ERCC6L2: variants seen among roughly 807,000 people sequenced by gnomAD.
ERCC6L2 encodes ERCC excision repair 6 like 2.
A neutral mutation model predicts 132.0 loss-of-function variants in ERCC6L2; 77 were observed. The ratio of observed to expected loss-of-function variants is 0.58; its 90% CI spans 0.49 to 0.71. The LOEUF is 0.71. Ranked by LOEUF, ERCC6L2 falls within the 30% of genes least tolerant of loss-of-function variation. The pLI, the probability that ERCC6L2 is intolerant of heterozygous loss-of-function variation, is 0.00. For missense variants in ERCC6L2, 1,542 were observed against 1,837.6 expected (o/e 0.84, Z 2.94); for synonymous variants, 583 against 632.4 (o/e 0.92, Z 1.17).
chr9:95,986,672 T>C (rs1267956521), intron 17 of ERCC6L2, among the ~76,000 whole-genome samples: 4 of 151,976 alleles, frequency 2.6e-5, no homozygotes, highest in African/African-American at 9.7e-5. Flanking sequence ...AATTTTTGTA[T>C]TTTTAGTAGA....
Position 96,018,034 on chromosome 9 carries a change from T to C in ERCC6L2, c.*4831T>C, listed in dbSNP as rs1467320084. Among the ~76,000 whole-genome samples, 1 of 152,188 alleles carries C rather than the reference T, an allele frequency of 6.6e-6. No homozygotes were observed. The highest frequency in any genetic ancestry group is 1.5e-5 in the Non-Finnish European group (1 of 68,030). ...TTCCACTTATATAAAGTACCTAGAT[T>C]AGTCAGATTCATAGAGACAAAGTAG... On this transcript the variant is annotated 3_prime_UTR_variant, in exon 19 of 19. Coordinates refer to ENST00000653738, the MANE Select transcript of ERCC6L2 (RefSeq NM_020207.7).
chr9:95,928,342 A>G, intron 10 of ERCC6L2, 192 bp downstream of exon 10: 1 of 458,782 alleles, frequency 2.2e-6, no homozygotes, highest in Non-Finnish European at 3.8e-6. Context: ...GCTAAATATC[A>G]AACTCAAAGA....
At chr9:95,886,857 A>T in intron 2 of ERCC6L2, among the ~76,000 whole-genome samples, 1 of 152,196 alleles carries the variant, frequency 6.6e-6, no homozygotes, top group Non-Finnish European at 1.5e-5. Flanking sequence ...ATCAGCTGCC[A>T]GCGTGGCTAG....
intron 13 of ERCC6L2, among the ~76,000 whole-genome samples, chr9:95,963,142 CTCG>C: frequency 8.5e-6 from 1 of 118,292 alleles, no homozygotes; most frequent in Non-Finnish European, 1.7e-5. Flanking sequence ...AGAAAGTCAT[CTCG>C]TCTGTGTGTG....
chr9:96,033,407 G>A (rs1420602847), intron 19 of ERCC6L2, among the ~76,000 whole-genome samples: 2 of 152,080 alleles, frequency 1.3e-5, no homozygotes, highest in Non-Finnish European at 1.5e-5. Context: ...ACCATGCCTG[G>A]CTAAATTTTT....
chr9:95,966,774 G>T, intron 14 of ERCC6L2, 60 bp downstream of exon 14: 1 of 1,282,038 alleles, frequency 7.8e-7, no homozygotes, highest in East Asian at 2.8e-5. Flanking sequence ...TCTTCCTCAG[G>T]AAATCTGAAA....
At chr9:96,040,173 C>A (rs1316039334) in intron 20 of ERCC6L2, among the ~76,000 whole-genome samples, 2 of 151,782 alleles carry the variant, frequency 1.3e-5, no homozygotes, top group Admixed American at 1.3e-4. Context: ...AGCACCCCCA[C>A]AATAGCTCTT....
At chr9:95,999,506 AG>A (rs997649362) in intron 17 of ERCC6L2, among the ~76,000 whole-genome samples, 9 of 152,266 alleles carry the variant, frequency 5.9e-5, no homozygotes, top group African/African-American at 9.6e-5. Flanking sequence ...AACCAATTTA[AG>A]AAAAATGTAT....
At chr9:95,986,929 A>G (rs776730516) in intron 17 of ERCC6L2, among the ~76,000 whole-genome samples, 1 of 152,198 alleles carries the variant, frequency 6.6e-6, no homozygotes, top group Non-Finnish European at 1.5e-5. Flanking sequence ...AGGCCTCACA[A>G]TCATGGTGGA....
In ERCC6L2 at chr9:95,907,164, A is replaced by G; in HGVS notation, c.681A>G (p.Leu227=). Residue 227 remains leucine, a synonymous_variant, in exon 4 of 19, where the codon TTA becomes TTG. Transcript: ENST00000653738. The part of the protein sequence containing the change: ...DTWGYFRVTV[L]HGNRKDNELI... ...GGGGATATTTCAGAGTCACTGTTTTACATGGAAACAGAAAAGATAATGAAT... is the reference window on the plus strand; with the variant it reads ...GGGGATATTTCAGAGTCACTGTTTTGCATGGAAACAGAAAAGATAATGAAT... The G allele has an allele frequency of 6.2e-7, 1 of 1,613,334 alleles. No individual in the cohort carries two copies. The highest frequency in any genetic ancestry group is 8.5e-7 in the Non-Finnish European group (1 of 1,179,548).
chr9:95,876,179 CT>C, intron 1 of ERCC6L2, 95 bp downstream of exon 1: 1 of 1,158,896 alleles, frequency 8.6e-7, no homozygotes, highest in South Asian at 1.4e-5. Flanking sequence ...GGGTTTTGCC[CT>C]GTAGATCCTC....
At chr9:95,922,570 A>G (rs1028959747) in intron 8 of ERCC6L2, 152 bp downstream of exon 8, 38 of 574,502 alleles carry the variant, frequency 6.6e-5, no homozygotes, top group Admixed American at 6.8e-5. Flanking sequence ...GAGTATGTGC[A>G]CTTAAGTTTT....
At chr9:95,933,956 G>T (rs1400529773) in intron 11 of ERCC6L2, among the ~76,000 whole-genome samples, 1 of 151,964 alleles carries the variant, frequency 6.6e-6, no homozygotes, top group Non-Finnish European at 1.5e-5. Context: ...TAATTTATTT[G>T]CATTTTTGAT....
At chr9:95,923,478 C>T (rs1829968328) in intron 9 of ERCC6L2, 99 bp downstream of exon 9, 2 of 1,365,638 alleles carry the variant, frequency 1.5e-6, no homozygotes, top group Admixed American at 2.0e-5. Flanking sequence ...GGTGCTCAGT[C>T]ATTCAGAAGA....
At chr9:96,030,648 G>C (rs937267934) in intron 19 of ERCC6L2, among the ~76,000 whole-genome samples, 2 of 146,910 alleles carry the variant, frequency 1.4e-5, no homozygotes, top group African/African-American at 2.5e-5. Context: ...CTTGCAGTGA[G>C]CCGAGATTGC....
intron 17 of ERCC6L2, among the ~76,000 whole-genome samples, chr9:95,999,378 C>G (rs1401895524): frequency 6.6e-6 from 1 of 151,994 alleles, no homozygotes; most frequent in Non-Finnish European, 1.5e-5. Context: ...AAAAAATTTC[C>G]TTTTATTATT....
intron 17 of ERCC6L2, among the ~76,000 whole-genome samples, chr9:95,985,130 A>G (rs532300279): frequency 3.7e-4 from 57 of 152,298 alleles, no homozygotes; most frequent in Non-Finnish European, 7.2e-4. Context: ...AGGTTCCTTT[A>G]GTGCCCATTC....
chr9:96,030,341 G>A (rs530372582), intron 19 of ERCC6L2, among the ~76,000 whole-genome samples: 2 of 152,250 alleles, frequency 1.3e-5, no homozygotes, highest in South Asian at 2.1e-4. Flanking sequence ...TCCCTTCCAT[G>A]CTGTGGAAGC....
intron 11 of ERCC6L2, among the ~76,000 whole-genome samples, chr9:95,931,400 C>T (rs141178814): frequency 6.6e-6 from 1 of 152,290 alleles, no homozygotes; most frequent in African/African-American, 2.4e-5. Context: ...TTGAAGCTTT[C>T]TTTCACTGCT....
Sources: allele counts gnomAD v4.1 joint callset (sites outside exome capture counted in the v4.1 genomes callset), GRCh38; gene constraint gnomAD v4.1.1; transcripts MANE v1.5; gene names NCBI Gene and HGNC (gene_info 2026-07-23, HGNC 2026-07-21).